ENOX2: variants seen among roughly 807,000 people sequenced by gnomAD.
ENOX2 encodes the protein APK1 antigen.
In ENOX2, 36 loss-of-function variants were observed where a neutral mutation model predicts 45.0. The ratio of observed to expected loss-of-function variants is 0.80; its 90% confidence interval spans 0.61 to 1.06. The LOEUF (loss-of-function observed/expected upper bound fraction) is 1.06. ENOX2 is among the 50% of genes least tolerant of loss of function. The pLI, the probability that ENOX2 is intolerant of heterozygous loss-of-function variation, is 0.00. For missense variants in ENOX2, 423 were observed against 462.5 expected, an observed-to-expected ratio of 0.91 and a Z score of 0.78; for synonymous variants, 174 against 152.3, an observed-to-expected ratio of 1.14 and a Z score of -1.05.
At chrX:130,790,135 T>C (rs958024452) in intron 2 of ENOX2, among the ~76,000 whole-genome samples, 3 of 112,791 alleles carry the variant, frequency 2.7e-5, no homozygotes, top group Admixed American at 9.3e-5. Flanking sequence ...GGTAATTGTA[T>C]GAGTTACAAA....
At chrX:130,844,340 G>A (rs1185746537) in intron 2 of ENOX2, among the ~76,000 whole-genome samples, 1 of 111,481 alleles carries the variant, frequency 9.0e-6, no homozygotes, top group African/African-American at 3.3e-5. Context: ...GAGGCATTTG[G>A]AGACTGGTTG....
chrX:130,703,582 T>C (rs1289651506), intron 3 of ENOX2, among the ~76,000 whole-genome samples: 1 of 111,194 alleles, frequency 9.0e-6, no homozygotes, highest in African/African-American at 3.3e-5. Context: ...GATTAAGAAG[T>C]TTTCTATTCT....
intron 2 of ENOX2, among the ~76,000 whole-genome samples, chrX:130,821,153 G>A (rs903751991): frequency 1.6e-4 from 18 of 111,157 alleles, no homozygotes; most frequent in Middle Eastern, 4.6e-3. Context: ...GACCTCTTCA[G>A]TAAGTTATGT....
At chrX:130,794,248 T>C (rs2077085561) in intron 2 of ENOX2, among the ~76,000 whole-genome samples, 1 of 112,561 alleles carries the variant, frequency 8.9e-6, no homozygotes, top group African/African-American at 3.2e-5. Flanking sequence ...CTATTATGGT[T>C]GTCTCTGTCT....
chrX:130,843,526 A>G (rs1482680230), intron 2 of ENOX2, among the ~76,000 whole-genome samples: 1 of 111,160 alleles, frequency 9.0e-6, no homozygotes, highest in African/African-American at 3.3e-5. Context: ...ACTTCCTGGC[A>G]TGGTAAATAA....
rs16999765 is a variant in ENOX2 at position 130,880,647 on chromosome X, G to C, written c.-183+21037C>G. 5.5e-3 allele frequency among the ~76,000 whole-genome samples: 613 copies of C among 112,083 alleles called. 4 individuals carry two copies. The highest frequency in any genetic ancestry group is 0.018 in the African/African-American group (554 of 30,899). On this transcript the variant is annotated intron_variant, in intron 2 of 14. Transcript: ENST00000394363. The stretch of plus-strand genomic sequence containing the variant: ...GGCTAAGGGGTTGAACAATCCAAAA[G>C]AAAATAGTGAAAGGGACTATGAGAG...
intron 2 of ENOX2, among the ~76,000 whole-genome samples, chrX:130,793,283 C>T (rs760797473): frequency 3.6e-5 from 4 of 112,523 alleles, no homozygotes; most frequent in South Asian, 7.4e-4. Context: ...GTGGCTCCTT[C>T]GGCCTCCAGG....
At chrX:130,750,465 T>C (rs1054045393) in intron 3 of ENOX2, among the ~76,000 whole-genome samples, 2 of 111,912 alleles carry the variant, frequency 1.8e-5, no homozygotes, top group Non-Finnish European at 3.8e-5. Context: ...CATGTATTTA[T>C]CTCAGTCTTT....
chrX:130,682,836 T>C (rs2037347748), intron 5 of ENOX2, among the ~76,000 whole-genome samples: 1 of 111,272 alleles, frequency 9.0e-6, no homozygotes, highest in Non-Finnish European at 1.9e-5. Flanking sequence ...TCTTCCTTAA[T>C]GGATAGTACC....
chrX:130,658,196 C>T (rs995260495), intron 9 of ENOX2, among the ~76,000 whole-genome samples: 1 of 111,378 alleles, frequency 9.0e-6, no homozygotes, highest in African/African-American at 3.3e-5. Flanking sequence ...TTTATAATCT[C>T]GTCTGATAAC....
Position 130,703,131 on chromosome X carries a change from G to T in ENOX2, c.86C>A (p.Pro29Gln). The change falls in exon 4 of 15, where the codon CCA becomes CAA. Residue 29 changes from proline (P) to glutamine (Q), a missense_variant. Pro to Gln is a moderately conservative substitution (Grantham distance 76). Around this residue, in one of 5 missense-constraint regions of ENOX2, gnomAD observed 261 missense variants for 306.8 expected, o/e 0.85. Coordinates refer to ENST00000394363, the MANE Select transcript of ENOX2 (RefSeq NM_006375.4). ...GMAPLGIAGQPILPDFDPALG... is the reference protein window; with the variant it reads ...GMAPLGIAGQQILPDFDPALG... ...TAAAAATAACATACCAGGTAAAATT[G>T]GTTGTCCGGCAATTCCCAGCGGTGC... 1 of 1,206,275 alleles carries T rather than the reference G, an allele frequency of 8.3e-7. No homozygotes were observed. The highest frequency in any genetic ancestry group is 1.7e-5 in the African/African-American group (1 of 57,621).
intron 2 of ENOX2, among the ~76,000 whole-genome samples, chrX:130,833,502 T>C (rs1383250442): frequency 9.0e-6 from 1 of 111,260 alleles, no homozygotes; most frequent in African/African-American, 3.3e-5. Context: ...ATTTCTGATG[T>C]GTGAGGCTGT....
At chrX:130,654,536 A>G (rs779359050) in intron 10 of ENOX2, among the ~76,000 whole-genome samples, 3 of 112,059 alleles carry the variant, frequency 2.7e-5, no homozygotes, top group African/African-American at 9.7e-5. Flanking sequence ...CACTTTAGAT[A>G]AAAACTGAAG....
intron 2 of ENOX2, among the ~76,000 whole-genome samples, chrX:130,867,195 C>T (rs1317143214): frequency 9.0e-6 from 1 of 111,544 alleles, no homozygotes; most frequent in Non-Finnish European, 1.9e-5. Flanking sequence ...CAGGTGGATT[C>T]TAATGTTTAC....
intron 3 of ENOX2, among the ~76,000 whole-genome samples, chrX:130,711,652 G>C (rs1034572897): frequency 9.0e-6 from 1 of 111,579 alleles, no homozygotes; most frequent in African/African-American, 3.3e-5. Flanking sequence ...GTGTGGCAGG[G>C]TGGGAGTTGG....
chrX:130,817,473 A>T (rs1020077346), intron 2 of ENOX2, among the ~76,000 whole-genome samples: 1 of 111,814 alleles, frequency 8.9e-6, no homozygotes, highest in Non-Finnish European at 1.9e-5. Flanking sequence ...AAAAAAAGAA[A>T]ATTTCAGGCC....
chrX:130,870,856 T>C (rs2078569049), intron 2 of ENOX2, among the ~76,000 whole-genome samples: 1 of 100,408 alleles, frequency 1.0e-5, no homozygotes, highest in Non-Finnish European at 2.0e-5. Context: ...TATAGATCTT[T>C]GAATATTTGG....
At chrX:130,649,043 CAAAAAAA>C (rs35154919) in intron 10 of ENOX2, among the ~76,000 whole-genome samples, 13 of 6,794 alleles carry the variant, frequency 1.9e-3, no homozygotes, top group Admixed American at 5.7e-3. Flanking sequence ...GACTCCATAT[CAAAAAAA>C]AAAAAAAAAA....
chrX:130,666,851 T>C (rs998842372), intron 8 of ENOX2, among the ~76,000 whole-genome samples: 1 of 112,139 alleles, frequency 8.9e-6, no homozygotes, highest in Non-Finnish European at 1.9e-5. Context: ...TTAAGGTGAA[T>C]ATACTTTCTT....
Sources: gnomAD v4.1 joint callset for allele counts (sites outside exome capture counted in the v4.1 genomes callset) on GRCh38, gnomAD v4.1.1 for gene constraint, gnomAD v4.1.1 regional missense constraint, MANE v1.5 for transcripts, NCBI Gene and HGNC (gene_info 2026-07-23, HGNC 2026-07-21) for gene names.